NOX4: variants seen among roughly 807,000 people sequenced by gnomAD.
NOX4 encodes the protein kidney oxidase-1.
In NOX4, 69 loss-of-function variants were observed where a neutral mutation model predicts 87.6. That is an observed-to-expected ratio of 0.79 (90% confidence interval 0.65 to 0.96). NOX4 has a LOEUF of 0.96. Ranked by LOEUF, NOX4 falls within the 40% of genes least tolerant of loss-of-function variation. The pLI is 0.00. For synonymous variants in NOX4, 275 were observed against 238.2 expected (o/e 1.15, Z -1.42); for missense variants, 680 against 681.5 (o/e 1.00, Z 0.02).
At chr11:89,490,291 A>G (rs557482428) in intron 2 of NOX4, among the ~76,000 whole-genome samples, 167 bp downstream of exon 2, 1 of 152,350 alleles carries the variant, frequency 6.6e-6, no homozygotes, top group East Asian at 1.9e-4. Flanking sequence ...TTTAACTTGT[A>G]CAAGTGTAAA....
At chr11:89,557,486 G>A in the NOX4 span, among the ~76,000 whole-genome samples, 1 of 152,128 alleles carries the variant, frequency 6.6e-6, no homozygotes, top group African/African-American at 2.4e-5. Context: ...GCACACTGCT[G>A]AGTAGTAAAT....
chr11:89,539,816 A>G, the NOX4 span, among the ~76,000 whole-genome samples: 1 of 152,184 alleles, frequency 6.6e-6, no homozygotes, highest in African/African-American at 2.4e-5. Context: ...CACCCAGGAC[A>G]AGGGGAGCAG....
rs1468172034 is a variant in NOX4 at position 89,459,843 on chromosome 11, A to G, written c.154-7948T>C. Among the ~76,000 whole-genome samples the G allele has an allele frequency of 7.1e-4, 108 of 152,288 alleles. 3 individuals are homozygous for G. The highest frequency in any genetic ancestry group is 6.8e-3 in the Middle Eastern group (2 of 294). On this transcript the variant is annotated intron_variant, in intron 2 of 17. Coordinates refer to ENST00000263317, the MANE Select transcript of NOX4 (RefSeq NM_016931.5). ...TTCATATGGAACCAAAAAAGAGCCCACAATTCCAAGTCAATCCTAAGCCAA... is the reference window on the plus strand; with the variant it reads ...TTCATATGGAACCAAAAAAGAGCCCGCAATTCCAAGTCAATCCTAAGCCAA...
chr11:89,346,101 T>C (rs2134933770), intron 13 of NOX4, among the ~76,000 whole-genome samples: 1 of 152,304 alleles, frequency 6.6e-6, no homozygotes, highest in East Asian at 1.9e-4. Flanking sequence ...ACAAAGTCAA[T>C]GCACAAAAAT....
chr11:89,496,933 A>G (rs1344531271), upstream of NOX4, among the ~76,000 whole-genome samples: 2 of 152,214 alleles, frequency 1.3e-5, no homozygotes, highest in African/African-American at 4.8e-5. Context: ...GCATATGCAC[A>G]GTAACTAACT....
chr11:89,582,611 T>C, the NOX4 span, among the ~76,000 whole-genome samples: 1 of 152,140 alleles, frequency 6.6e-6, no homozygotes, highest in African/African-American at 2.4e-5. Flanking sequence ...ATTTAGATTG[T>C]TTCTTGTGCC....
chr11:89,398,904 T>A (rs1000490572), intron 11 of NOX4, among the ~76,000 whole-genome samples: 3 of 151,808 alleles, frequency 2.0e-5, no homozygotes, highest in African/African-American at 7.3e-5. Flanking sequence ...GTCCATCACA[T>A]GTAGTTGAGT....
Position 89,451,766 on chromosome 11 carries a change from T to C in NOX4, c.264+19A>G. On this transcript the variant is annotated intron_variant, in intron 3 of 17. Transcript: ENST00000263317. ...TGATTTTTATGCTGGAATTTGAAAGTAGGACTGTTTTTTCTTACCTTCTGT... is the reference window on the plus strand; with the variant it reads ...TGATTTTTATGCTGGAATTTGAAAGCAGGACTGTTTTTTCTTACCTTCTGT... 6.7e-7 allele frequency: 1 copy of C among 1,503,168 alleles called. No homozygotes were observed. The highest frequency in any genetic ancestry group is 1.7e-4 in the Middle Eastern group (1 of 5,806). The allele number at this position is 1,503,168 out of a possible 1,614,324, so 93.1% of individuals were successfully genotyped here. A position where few individuals can be genotyped will look rare whatever the true frequency, so the allele number is the denominator to read the frequency against.
intron 13 of NOX4, among the ~76,000 whole-genome samples, chr11:89,347,206 C>A (rs1342496384): frequency 2.0e-5 from 3 of 152,168 alleles, no homozygotes; most frequent in Admixed American, 2.0e-4. Flanking sequence ...TGCAGACACA[C>A]AAGGGAAAGG....
At chr11:89,396,166 C>T (rs1381121632) in intron 11 of NOX4, among the ~76,000 whole-genome samples, 1 of 151,884 alleles carries the variant, frequency 6.6e-6, no homozygotes. Flanking sequence ...TGTTTGTGTC[C>T]TCTTTTATTT....
upstream of NOX4, among the ~76,000 whole-genome samples, chr11:89,493,804 C>T (rs1946918428): frequency 6.6e-6 from 1 of 151,062 alleles, no homozygotes; most frequent in South Asian, 2.1e-4. Context: ...GGCTGGAGTG[C>T]AATGTCGTAA....
the NOX4 span, among the ~76,000 whole-genome samples, chr11:89,553,111 C>T: frequency 6.6e-6 from 1 of 152,226 alleles, no homozygotes; most frequent in South Asian, 2.1e-4. Context: ...GGGTCCTAGT[C>T]AGAATTCCAA....
chr11:89,414,270 G>T (rs1349530912), intron 8 of NOX4, among the ~76,000 whole-genome samples: 2 of 151,886 alleles, frequency 1.3e-5, no homozygotes, highest in Admixed American at 1.3e-4. Context: ...GTTCGTTTAT[G>T]TATTTACTTT....
At chr11:89,477,742 T>C (rs1439220016) in intron 2 of NOX4, among the ~76,000 whole-genome samples, 1 of 150,978 alleles carries the variant, frequency 6.6e-6, no homozygotes, top group African/African-American at 2.5e-5. Flanking sequence ...ATGGGTCTTT[T>C]TCATGTGTAT....
At chr11:89,575,000 T>C in the NOX4 span, among the ~76,000 whole-genome samples, 1 of 152,132 alleles carries the variant, frequency 6.6e-6, no homozygotes, top group African/African-American at 2.4e-5. Context: ...CTGACCAACA[T>C]GGTAAAACCC....
chr11:89,564,754 G>GTTTT, the NOX4 span, among the ~76,000 whole-genome samples: 1 of 148,362 alleles, frequency 6.7e-6, no homozygotes, highest in South Asian at 2.1e-4. Context: ...TTTGTTTTTT[G>GTTTT]TTTTTTTTTT....
At chr11:89,426,599 C>T (rs1010413523) in intron 7 of NOX4, among the ~76,000 whole-genome samples, 1 of 152,106 alleles carries the variant, frequency 6.6e-6, no homozygotes, top group Non-Finnish European at 1.5e-5. Flanking sequence ...TCAGAGGGTC[C>T]CACACCCTCA....
intron 5 of NOX4, among the ~76,000 whole-genome samples, chr11:89,441,159 T>C (rs1235485349): frequency 2.6e-5 from 4 of 152,200 alleles, no homozygotes; most frequent in Non-Finnish European, 4.4e-5. Context: ...GATTTGCGCA[T>C]TGTAAGCTCA....
intron 12 of NOX4, among the ~76,000 whole-genome samples, chr11:89,363,230 C>A (rs181413062): frequency 6.6e-6 from 1 of 152,034 alleles, no homozygotes; most frequent in East Asian, 1.9e-4. Context: ...AAAGGAAGTC[C>A]TTTTGAGCCG....
Sources: allele counts gnomAD v4.1 joint callset (sites outside exome capture counted in the v4.1 genomes callset), GRCh38; gene constraint gnomAD v4.1.1; transcripts MANE v1.5; gene names NCBI Gene and HGNC (gene_info 2026-07-23, HGNC 2026-07-21).